The following EFCAB13 variants were observed in gnomAD, a reference collection of about 807,000 sequenced individuals.
EFCAB13 encodes the protein EF-hand calcium-binding domain-containing protein 13.
A neutral mutation model predicts 110.2 loss-of-function variants in EFCAB13; 91 were observed. That is an observed-to-expected ratio of 0.83 (90% CI 0.70 to 0.98). EFCAB13 has a LOEUF of 0.98. Among genes scored for constraint, EFCAB13 ranks in the 50% least tolerant of loss-of-function variants. The pLI is 0.00. For synonymous variants in EFCAB13, 323 were observed against 369.9 expected (o/e 0.87, Z 1.45); for missense variants, 968 against 1,119.4 (o/e 0.86, Z 1.93).
intron 14 of EFCAB13, among the ~76,000 whole-genome samples, chr17:47,382,570 G>T (rs947822098): frequency 6.6e-6 from 1 of 152,090 alleles, no homozygotes; most frequent in Non-Finnish European, 1.5e-5. Flanking sequence ...GCATGAAGGG[G>T]TGCTTAATTT....
intron 10 of EFCAB13, among the ~76,000 whole-genome samples, chr17:47,363,066 C>T (rs1317281050): frequency 6.6e-6 from 1 of 152,036 alleles, no homozygotes; most frequent in Non-Finnish European, 1.5e-5. Context: ...GGGGCTGGAC[C>T]CTACAATTAT....
intron 17 of EFCAB13, among the ~76,000 whole-genome samples, chr17:47,399,133 T>A (rs943580816): frequency 2.6e-5 from 4 of 152,186 alleles, no homozygotes; most frequent in Non-Finnish European, 5.9e-5. Context: ...CAGGCTGGTC[T>A]CAAACTCCTG....
intron 9 of EFCAB13, among the ~76,000 whole-genome samples, chr17:47,356,728 T>G (rs1403265986): frequency 6.6e-6 from 1 of 152,184 alleles, no homozygotes; most frequent in Non-Finnish European, 1.5e-5. Flanking sequence ...GCACATCAGC[T>G]GCAGTAGTAT....
chr17:47,379,365 ACT>A lies in EFCAB13; in HGVS notation c.1582+115_1582+116del, dbSNP rs200182602. 2,864 of 737,304 alleles carry A rather than the reference ACT, an allele frequency of 3.9e-3. 40 individuals carry two copies. The highest frequency in any genetic ancestry group is 0.027 in the African/African-American group (1,549 of 56,688). The allele number at this position is 737,304 out of a possible 1,614,324, so 45.7% of individuals were successfully genotyped here. ...TGGATGGATACTTAATAGTCCTGTG[ACT>A]CTTAGGCAAGTCAGTTGCCAGTTTT... On this transcript the variant is annotated intron_variant, in intron 14 of 24. Transcript: ENST00000331493.
chr17:47,417,821 C>T (rs935304340), intron 23 of EFCAB13, among the ~76,000 whole-genome samples: 2 of 152,170 alleles, frequency 1.3e-5, no homozygotes, highest in African/African-American at 4.8e-5. Flanking sequence ...ATGTGGCATC[C>T]TACTGAAGCC....
chr17:47,400,519 G>A (rs2065773027), intron 17 of EFCAB13, among the ~76,000 whole-genome samples: 1 of 152,156 alleles, frequency 6.6e-6, no homozygotes, highest in African/African-American at 2.4e-5. Context: ...AAAGCTAGCT[G>A]TAGATTTTGT....
intron 18 of EFCAB13, among the ~76,000 whole-genome samples, chr17:47,403,401 A>G (rs2065788953): frequency 6.6e-6 from 1 of 152,198 alleles, no homozygotes; most frequent in South Asian, 2.1e-4. Context: ...CAGACTTTGA[A>G]TGCTGGTCTG....
chr17:47,373,129 C>T (rs764650987), intron 11 of EFCAB13, among the ~76,000 whole-genome samples: 17 of 151,962 alleles, frequency 1.1e-4, no homozygotes, highest in Middle Eastern at 3.4e-3. Context: ...TTTTATTCAC[C>T]GCAGACTATA....
intron 23 of EFCAB13, among the ~76,000 whole-genome samples, chr17:47,428,692 T>A (rs1239002502): frequency 6.6e-6 from 1 of 152,158 alleles, no homozygotes; most frequent in Non-Finnish European, 1.5e-5. Context: ...TATTAAAAAG[T>A]TAATCTTGGT....
At chr17:47,345,444 G>T (rs1422296831) in intron 8 of EFCAB13, among the ~76,000 whole-genome samples, 2 of 152,026 alleles carry the variant, frequency 1.3e-5, no homozygotes, top group Non-Finnish European at 2.9e-5. Flanking sequence ...TTAGTATTAA[G>T]GCTTATACTA....
intron 23 of EFCAB13, among the ~76,000 whole-genome samples, chr17:47,415,479 T>C (rs571289156): frequency 4.6e-5 from 7 of 152,198 alleles, no homozygotes; most frequent in Non-Finnish European, 7.4e-5. Flanking sequence ...TGATGTATAG[T>C]ATAAATAATA....
At chr17:47,343,787 G>C (rs1468765511) in intron 6 of EFCAB13, among the ~76,000 whole-genome samples, 2 of 152,054 alleles carry the variant, frequency 1.3e-5, no homozygotes, top group Non-Finnish European at 2.9e-5. Flanking sequence ...TAACTGTGTT[G>C]ATTCTCCACA....
chr17:47,435,757 T>C (rs1905201604), intron 24 of EFCAB13, among the ~76,000 whole-genome samples: 1 of 152,262 alleles, frequency 6.6e-6, no homozygotes, highest in African/African-American at 2.4e-5. Flanking sequence ...TGACTTCCTC[T>C]TTACCAGTTT....
At chr17:47,389,596 T>TA (rs1023221283) in intron 14 of EFCAB13, among the ~76,000 whole-genome samples, 3 of 151,050 alleles carry the variant, frequency 2.0e-5, no homozygotes, top group African/African-American at 4.9e-5. Context: ...TTTTTTTTTT[T>TA]ACCCTATCCC....
At chr17:47,419,043 A>G (rs1363412350) in intron 23 of EFCAB13, among the ~76,000 whole-genome samples, 1 of 152,210 alleles carries the variant, frequency 6.6e-6, no homozygotes, top group South Asian at 2.1e-4. Flanking sequence ...TTCTATCTGT[A>G]TATGATGAAG....
rs769499375 is a variant in EFCAB13, at chr17:47,347,867, G to C, written c.577G>C (p.Asp193His). ...TCGAAGTGGTAAGATTTATGTGAAT[G>C]ATCTTCCAGTGATCCTTTGCATCTT... ...KIRSGKIYVN[D>H]LPVILCILRI... The change falls in exon 9 of 25, where the codon GAT becomes CAT. Residue 193 changes from aspartate (D) to histidine (H), a missense_variant. Physicochemically the swap from Asp to His is moderately conservative, Grantham distance 81. Coordinates refer to ENST00000331493, the MANE Select transcript of EFCAB13 (RefSeq NM_152347.5). The C allele has an allele frequency of 6.5e-6, 10 of 1,548,580 alleles. No individual in the cohort carries two copies. The highest frequency in any genetic ancestry group is 8.8e-6 in the Non-Finnish European group (10 of 1,137,094).
At chr17:47,349,075 C>T (rs1043032308) in intron 9 of EFCAB13, among the ~76,000 whole-genome samples, 4 of 152,192 alleles carry the variant, frequency 2.6e-5, no homozygotes, top group Non-Finnish European at 5.9e-5. Context: ...GGAGAACCCA[C>T]TCTCAAGTTG....
At chr17:47,363,261 C>T (rs115319173) in intron 10 of EFCAB13, among the ~76,000 whole-genome samples, 427 of 152,178 alleles carry the variant, frequency 2.8e-3, no homozygotes, top group African/African-American at 1.0e-2. Flanking sequence ...GAGATGAGGT[C>T]TTGCTATGTT....
chr17:47,336,380 C>T (rs933098120), intron 5 of EFCAB13, among the ~76,000 whole-genome samples: 4 of 151,668 alleles, frequency 2.6e-5, no homozygotes, highest in African/African-American at 9.7e-5. Flanking sequence ...CAAGCTGCGC[C>T]TCCTGGGTTC....
Sources: gnomAD v4.1 joint callset for allele counts (sites outside exome capture counted in the v4.1 genomes callset) on GRCh38, gnomAD v4.1.1 for gene constraint, MANE v1.5 for transcripts, NCBI Gene and HGNC (gene_info 2026-07-23, HGNC 2026-07-21) for gene names.